MAPK10: variants seen among roughly 807,000 people sequenced by gnomAD.
The protein encoded by MAPK10 is JNK3 alpha protein kinase.
A neutral mutation model predicts 59.3 loss-of-function variants in MAPK10; 25 were observed. The observed-to-expected ratio is 0.42, with a 90% CI of 0.31 to 0.59. The LOEUF (loss-of-function observed/expected upper bound fraction) is 0.59. Among genes scored for constraint, MAPK10 ranks in the 20% least tolerant of loss-of-function variants. MAPK10 has a pLI of 0.15. For synonymous variants in MAPK10, 190 were observed against 200.5 expected (o/e 0.95, Z 0.44); for missense variants, 351 against 568.9 (o/e 0.62, Z 3.90).
chr4:86,227,837 T>G (rs995528234), intron 2 of MAPK10, among the ~76,000 whole-genome samples: 14 of 152,230 alleles, frequency 9.2e-5, no homozygotes, highest in African/African-American at 3.4e-4. Context: ...GAATTACTTA[T>G]GATGTCTGTT....
chr4:86,340,535 C>T (rs28661214), intron 2 of MAPK10: 109,602 of 151,964 alleles, frequency 0.72, 40,327 homozygotes, highest in South Asian at 0.9. Context: ...GCGGGAAATC[C>T]ACCCCCATGA....
chr4:86,320,350 C>T (rs1006561964), intron 2 of MAPK10, among the ~76,000 whole-genome samples: 1 of 152,138 alleles, frequency 6.6e-6, no homozygotes, highest in African/African-American at 2.4e-5. Flanking sequence ...TGATTCAAAA[C>T]CTTAATGAGA....
chr4:86,225,618 T>C (rs1160792783), intron 2 of MAPK10, among the ~76,000 whole-genome samples: 3 of 152,222 alleles, frequency 2.0e-5, no homozygotes, highest in Non-Finnish European at 4.4e-5. Flanking sequence ...CACTCAGTGG[T>C]GGTCTTTGGG....
intron 2 of MAPK10, among the ~76,000 whole-genome samples, chr4:86,262,244 CACAT>C (rs1305636978): frequency 6.6e-6 from 1 of 152,150 alleles, no homozygotes; most frequent in Non-Finnish European, 1.5e-5. Context: ...CTCTCTCATG[CACAT>C]ACAATCTTTT....
At chr4:86,238,994 G>C (rs527332086) in intron 2 of MAPK10, among the ~76,000 whole-genome samples, 2 of 152,194 alleles carry the variant, frequency 1.3e-5, no homozygotes, top group East Asian at 3.9e-4. Context: ...GTCATAAATA[G>C]CTCTTATTAT....
intron 1 of MAPK10, among the ~76,000 whole-genome samples, chr4:86,404,410 A>G (rs1174130029): frequency 6.6e-6 from 1 of 152,154 alleles, no homozygotes; most frequent in Non-Finnish European, 1.5e-5. Context: ...GTTTTCTTGA[A>G]CTACAGACTT....
chr4:86,312,757 A>G (rs2095694921), intron 2 of MAPK10, among the ~76,000 whole-genome samples: 2 of 152,246 alleles, frequency 1.3e-5, no homozygotes, highest in South Asian at 2.1e-4. Context: ...AGAATCCAGC[A>G]TCAGACAGTC....
At chr4:86,080,753 G>A (rs2050473565) in intron 9 of MAPK10, 1 of 151,888 alleles carries the variant, frequency 6.6e-6, no homozygotes, top group South Asian at 2.1e-4. Flanking sequence ...GCATATTTAA[G>A]TCAGGACAAC....
intron 3 of MAPK10, among the ~76,000 whole-genome samples, chr4:86,174,159 G>A (rs1302312681): frequency 6.8e-6 from 1 of 146,194 alleles, no homozygotes; most frequent in Non-Finnish European, 1.5e-5. Context: ...CTACTATAAA[G>A]GTACATGCAC....
chr4:86,510,048 T>A (rs1392934369), intron 1 of MAPK10, among the ~76,000 whole-genome samples: 1 of 152,202 alleles, frequency 6.6e-6, no homozygotes, highest in East Asian at 1.9e-4. Context: ...AAATATATAG[T>A]AATTAATCCA....
At chr4:86,393,869 A>G (rs1414993792) in intron 1 of MAPK10, among the ~76,000 whole-genome samples, 3 of 152,216 alleles carry the variant, frequency 2.0e-5, no homozygotes, top group Non-Finnish European at 2.9e-5. Context: ...ACTAAATCAC[A>G]TAAGGTGAAG....
upstream of MAPK10, among the ~76,000 whole-genome samples, chr4:86,453,823 A>G (rs1249746226): frequency 6.6e-6 from 1 of 152,154 alleles, no homozygotes; most frequent in Non-Finnish European, 1.5e-5. Flanking sequence ...AAAATTGTGC[A>G]TTAATCAATC....
intron 2 of MAPK10, among the ~76,000 whole-genome samples, chr4:86,328,907 G>A (rs1018310496): frequency 2.6e-5 from 4 of 152,080 alleles, no homozygotes; most frequent in African/African-American, 9.7e-5. Context: ...GCACGAGGGG[G>A]CATCAAACCT....
Position 86,058,451 on chromosome 4 carries a change from G to A in MAPK10, c.1110+5815C>T, listed in dbSNP as rs577489453. ...TAGGGTTGGTCTCAGCCAATAGGAG[G>A]GAGATATCACCAGGAGACAGAGGGG... On this transcript the variant is annotated intron_variant, in intron 11 of 13. Coordinates refer to ENST00000641462, the MANE Select transcript of MAPK10 (RefSeq NM_138982.4). 6.2e-4 allele frequency among the ~76,000 whole-genome samples: 93 copies of A among 149,232 alleles called. 4 individuals are homozygous for A. Among genetic ancestry groups the A allele is most frequent in the Non-Finnish European group, 1.3e-3 (85 of 67,370 alleles).
intron 1 of MAPK10, among the ~76,000 whole-genome samples, chr4:86,368,591 C>T (rs915288786): frequency 8.5e-5 from 13 of 152,096 alleles, no homozygotes; most frequent in African/African-American, 2.7e-4. Context: ...TAGAATTCAA[C>T]GGTACTTTGA....
At chr4:86,209,638 T>C (rs567681129) in intron 2 of MAPK10, among the ~76,000 whole-genome samples, 2 of 152,242 alleles carry the variant, frequency 1.3e-5, no homozygotes, top group East Asian at 3.9e-4. Context: ...CACAATAAAA[T>C]GGAAAAATAG....
At chr4:86,239,735 C>T (rs1245982785) in intron 2 of MAPK10, among the ~76,000 whole-genome samples, 4 of 149,720 alleles carry the variant, frequency 2.7e-5, no homozygotes, top group Non-Finnish European at 5.9e-5. Context: ...TGATTTTTCT[C>T]TCTCTTCTTC....
intron 13 of MAPK10, chr4:86,024,399 C>G (rs1187025620): frequency 6.6e-6 from 1 of 152,176 alleles, no homozygotes; most frequent in Non-Finnish European, 1.5e-5. Context: ...AAACACACAG[C>G]ACTCCTACTG....
intron 4 of MAPK10, among the ~76,000 whole-genome samples, chr4:86,136,655 T>A (rs1445299692): frequency 6.7e-6 from 1 of 150,078 alleles, no homozygotes; most frequent in Non-Finnish European, 1.5e-5. Context: ...GCTAACATCA[T>A]AATGACAGGA....
Sources: gnomAD v4.1 joint callset for allele counts (sites outside exome capture counted in the v4.1 genomes callset) on GRCh38, gnomAD v4.1.1 for gene constraint, MANE v1.5 for transcripts, NCBI Gene and HGNC (gene_info 2026-07-23, HGNC 2026-07-21) for gene names.